Variants in CA5B observed in about 807,000 individuals in gnomAD.
CA5B encodes the protein carbonic anhydrase 5B, mitochondrial.
A neutral mutation model predicts 23.1 loss-of-function variants in CA5B; 15 were observed. The ratio of observed to expected loss-of-function variants is 0.65; its 90% CI spans 0.43 to 1.00. The LOEUF is 1.00. Ranked by LOEUF, CA5B falls within the 50% of genes least tolerant of loss-of-function variation. CA5B has a pLI of 0.00. For synonymous variants in CA5B, 84 were observed against 98.5 expected, an observed-to-expected ratio of 0.85 and a Z score of 0.87; for missense variants, 236 against 252.2, an observed-to-expected ratio of 0.94 and a Z score of 0.43.
chrX:15,781,842 A>T (rs1037239400), intron 7 of CA5B, among the ~76,000 whole-genome samples: 4 of 109,629 alleles, frequency 3.6e-5, no homozygotes, highest in African/African-American at 1.3e-4. Context: ...TGAGTCCCAG[A>T]GGTTGAGCCT....
intron 2 of CA5B, among the ~76,000 whole-genome samples, chrX:15,755,837 A>G (rs1373785829): frequency 1.8e-5 from 2 of 112,953 alleles, no homozygotes; most frequent in East Asian, 2.8e-4. Context: ...AAAAAGTGCA[A>G]GTTAAACAGG....
At chrX:15,769,487 C>G (rs1040841260) in intron 3 of CA5B, 12 of 751,314 alleles carry the variant, frequency 1.6e-5, no homozygotes, top group Non-Finnish European at 1.9e-5. Context: ...TTGGCACTGT[C>G]AACAGGCATT....
intron 2 of CA5B, among the ~76,000 whole-genome samples, chrX:15,752,278 C>T (rs1931373892): frequency 9.0e-6 from 1 of 111,070 alleles, no homozygotes; most frequent in South Asian, 3.7e-4. Context: ...TTTATTCAAC[C>T]CTATATATCG....
intron 3 of CA5B, 76 bp downstream of exon 3, chrX:15,764,851 C>G (rs1931675076): frequency 4.2e-5 from 38 of 908,570 alleles, no homozygotes; most frequent in Non-Finnish European, 5.6e-5. Flanking sequence ...ATCAAACTCT[C>G]TCCATGATAG....
rs1289072816 is a variant in CA5B at position 15,782,816 on chromosome X, G to A, written c.*152G>A. ...GAGTGCTTCATCAGTCTTTGAGGAA[G>A]GCTATTCGGTACCAGCAAGAGACAC... On this transcript the variant is annotated 3_prime_UTR_variant, in exon 8 of 8. Transcript: ENST00000318636. The A allele has an allele frequency of 1.2e-5, 5 of 413,562 alleles. No homozygotes were observed. The highest frequency in any genetic ancestry group is 1.0e-4 in the African/African-American group (4 of 38,434). 34.1% of individuals were successfully genotyped at this position (413,562 alleles called of 1,213,427 possible).
At chrX:15,770,775 T>C (rs918162888) in intron 3 of CA5B, among the ~76,000 whole-genome samples, 28 of 108,990 alleles carry the variant, frequency 2.6e-4, no homozygotes, top group Non-Finnish European at 3.8e-5. Flanking sequence ...GTTTTATTTA[T>C]TTTTATTTTT....
rs1199366759 is a variant in CA5B at position 15,739,206 on chromosome X, T to C, written c.-54+854T>C. The stretch of plus-strand genomic sequence containing the variant: ...AGTTTGAAAAGAACTTGTTCTCTCC[T>C]AGCCACTGAAAACCGCGTTGCTTTC... On this transcript the variant is annotated intron_variant, in intron 1 of 7. Coordinates refer to ENST00000318636, the MANE Select transcript of CA5B (RefSeq NM_007220.4). 8.0e-5 allele frequency among the ~76,000 whole-genome samples: 9 copies of C among 112,131 alleles called. No homozygotes were observed. The South Asian group carries it at 3.0e-3, about 37-fold the overall frequency.
At chrX:15,770,530 A>G (rs1300246809) in intron 3 of CA5B, among the ~76,000 whole-genome samples, 1 of 108,825 alleles carries the variant, frequency 9.2e-6, no homozygotes, top group African/African-American at 3.4e-5. Context: ...TGATCCTCCC[A>G]CCTTGGCCTC....
At chrX:15,782,149 G>A (rs867475043) in intron 7 of CA5B, among the ~76,000 whole-genome samples, 5 of 111,908 alleles carry the variant, frequency 4.5e-5, no homozygotes, top group Middle Eastern at 9.2e-3. Flanking sequence ...TAAAGAGGAA[G>A]TTCTTGAGAA....
In CA5B at chrX:15,755,902, C is replaced by T. The variant is rs1185125109; in HGVS notation, c.142+5737C>T. On this transcript the variant is annotated intron_variant, in intron 2 of 7. Transcript: ENST00000318636. ...TAACCAAATATATCTAAAATATTAT[C>T]ACTTTAACATGAAATGAATATAAGA... 5.3e-5 allele frequency among the ~76,000 whole-genome samples: 6 copies of T among 112,583 alleles called. No homozygotes were observed. In the South Asian group the frequency reaches 1.5e-3, roughly 27 times the overall value.
In CA5B at chrX:15,786,059, C is replaced by T. The variant is rs1932111182; in HGVS notation, c.*3395C>T. 1 of 110,828 alleles carries T rather than the reference C, an allele frequency of 9.0e-6. No homozygotes were observed. 9.1% of individuals were successfully genotyped at this position (110,828 alleles called of 1,213,427 possible). A position where few individuals can be genotyped will look rare whatever the true frequency, so the allele number is the denominator to read the frequency against. ...CTATTTTTTGTATTTTAAGTAGAGACAGGGTTTCACCGTGTTAACCAGGAT... is the reference window on the plus strand; with the variant it reads ...CTATTTTTTGTATTTTAAGTAGAGATAGGGTTTCACCGTGTTAACCAGGAT... On this transcript the variant is annotated 3_prime_UTR_variant, in exon 8 of 8. Transcript: ENST00000318636.
At chrX:15,769,571 T>C (rs192495150) in intron 3 of CA5B, 2 of 752,315 alleles carry the variant, frequency 2.7e-6, no homozygotes, top group Non-Finnish European at 3.1e-6. Flanking sequence ...TCCCTGACTT[T>C]ACACTTCTTT....
intron 4 of CA5B, among the ~76,000 whole-genome samples, chrX:15,772,860 ATAG>A (rs1283570193): frequency 4.5e-5 from 5 of 112,326 alleles, no homozygotes; most frequent in African/African-American, 1.6e-4. Flanking sequence ...GTGGACTCAA[ATAG>A]TAGCCCAAAG....
intron 3 of CA5B, chrX:15,769,483 C>A: frequency 1.2e-5 from 9 of 753,558 alleles, no homozygotes; most frequent in Non-Finnish European, 1.4e-5. Flanking sequence ...CTTATTGGCA[C>A]TGTCAACAGG....
Position 15,764,793 on chromosome X carries a change from T to C in CA5B, c.340+18T>C, listed in dbSNP as rs1300659853. Reference sequence around the variant, plus strand: ...TAAATCAGGTGAGGGCAAGATCTGGTGGTCTTGTAAGGAGTTAAAGAAACA... The same window carrying C: ...TAAATCAGGTGAGGGCAAGATCTGGCGGTCTTGTAAGGAGTTAAAGAAACA... On this transcript the variant is annotated intron_variant, in intron 3 of 7. Coordinates refer to ENST00000318636, the MANE Select transcript of CA5B (RefSeq NM_007220.4). 9.7e-7 allele frequency: 1 copy of C among 1,029,866 alleles called. No individual in the cohort carries two copies. Among genetic ancestry groups the C allele is most frequent in the Non-Finnish European group, 1.3e-6 (1 of 759,618 alleles). 84.9% of individuals were successfully genotyped at this position (1,029,866 alleles called of 1,213,427 possible). A position where few individuals can be genotyped will look rare whatever the true frequency, so the allele number is the denominator to read the frequency against.
At chrX:15,748,159 C>T (rs1404648618) in intron 1 of CA5B, among the ~76,000 whole-genome samples, 1 of 112,138 alleles carries the variant, frequency 8.9e-6, no homozygotes, top group African/African-American at 3.2e-5. Context: ...TTGTCTGCTC[C>T]TTACTGTACA....
intron 2 of CA5B, among the ~76,000 whole-genome samples, chrX:15,753,081 C>G (rs769769927): frequency 6.2e-5 from 7 of 112,042 alleles, no homozygotes; most frequent in African/African-American, 1.9e-4. Flanking sequence ...TCTCGTGCCT[C>G]TCTAAAATGT....
intron 2 of CA5B, among the ~76,000 whole-genome samples, chrX:15,753,558 A>G (rs1053380822): frequency 7.1e-5 from 8 of 112,371 alleles, no homozygotes; most frequent in African/African-American, 1.9e-4. Context: ...CAGAATGGAC[A>G]TTTCTCCCAC....
chrX:15,740,885 G>A (rs1011628325), intron 1 of CA5B, among the ~76,000 whole-genome samples: 46 of 111,230 alleles, frequency 4.1e-4, no homozygotes, highest in African/African-American at 1.4e-3. Context: ...ACAACATGGC[G>A]AAACCCCGTC....
Sources: allele counts gnomAD v4.1 joint callset (sites outside exome capture counted in the v4.1 genomes callset), GRCh38; gene constraint gnomAD v4.1.1; transcripts MANE v1.5; gene names NCBI Gene and HGNC (gene_info 2026-07-23, HGNC 2026-07-21).